Variants in GLIS3 observed in about 807,000 individuals in gnomAD.
GLIS3 encodes the protein zinc finger protein GLIS3.
In GLIS3, 53 loss-of-function variants were observed where a neutral mutation model predicts 78.6. The ratio of observed to expected loss-of-function variants is 0.67; its 90% confidence interval spans 0.54 to 0.85. GLIS3 has a LOEUF of 0.85. Among genes scored for constraint, GLIS3 ranks in the 40% least tolerant of loss-of-function variants. GLIS3 has a pLI of 0.00. For missense variants in GLIS3, 1,703 were observed against 1,231.1 expected (o/e 1.38, Z -5.74); for synonymous variants, 684 against 509.9 (o/e 1.34, Z -4.60).
chr9:4,433,613 C>T, the GLIS3 span, among the ~76,000 whole-genome samples: 2 of 152,150 alleles, frequency 1.3e-5, no homozygotes, highest in African/African-American at 2.4e-5. Flanking sequence ...TAAGGTGAAA[C>T]TATGAAGTCA....
intron 4 of GLIS3, among the ~76,000 whole-genome samples, chr9:4,004,399 C>A (rs767344899): frequency 2.1e-4 from 32 of 152,088 alleles, no homozygotes; most frequent in Non-Finnish European, 2.9e-5. Context: ...CTAAATCCCT[C>A]TACAAATACC....
chr9:4,012,371 T>C (rs747405060), intron 4 of GLIS3, among the ~76,000 whole-genome samples: 10 of 152,152 alleles, frequency 6.6e-5, no homozygotes, highest in South Asian at 2.1e-4. Context: ...ATATAGAACA[T>C]CTAGCAAACC....
At chr9:4,373,130 G>A in the GLIS3 span, among the ~76,000 whole-genome samples, 1 of 152,138 alleles carries the variant, frequency 6.6e-6, no homozygotes, top group Non-Finnish European at 1.5e-5. Flanking sequence ...GAAAAATACG[G>A]GCTTTTGTGA....
At chr9:4,156,614 C>G (rs1159430588) in intron 2 of GLIS3, among the ~76,000 whole-genome samples, 1 of 152,240 alleles carries the variant, frequency 6.6e-6, no homozygotes, top group Non-Finnish European at 1.5e-5. Flanking sequence ...CTTCAACCCA[C>G]TGGAAGATAA....
At chr9:3,850,104 G>T (rs1819331001) in intron 9 of GLIS3, among the ~76,000 whole-genome samples, 1 of 152,208 alleles carries the variant, frequency 6.6e-6, no homozygotes, top group South Asian at 2.1e-4. Context: ...AATTACAGCA[G>T]TAATAAAATA....
the GLIS3 span, among the ~76,000 whole-genome samples, chr9:4,422,421 G>A: frequency 6.6e-6 from 1 of 152,200 alleles, no homozygotes; most frequent in South Asian, 2.1e-4. Context: ...AAAAGTCCAT[G>A]TATGTGAGAT....
At chr9:4,075,679 T>C (rs1234095468) in intron 4 of GLIS3, among the ~76,000 whole-genome samples, 2 of 152,030 alleles carry the variant, frequency 1.3e-5, no homozygotes, top group Admixed American at 1.3e-4. Context: ...AAAGATTTAT[T>C]CAAAATAGCT....
At chr9:3,996,957 C>T (rs367705704) in intron 4 of GLIS3, among the ~76,000 whole-genome samples, 7 of 152,214 alleles carry the variant, frequency 4.6e-5, no homozygotes, top group African/African-American at 1.7e-4. Flanking sequence ...TACCATAGAA[C>T]GCTTAAGGAG....
At chr9:3,964,574 C>T (rs1817789092) in intron 4 of GLIS3, among the ~76,000 whole-genome samples, 2 of 152,260 alleles carry the variant, frequency 1.3e-5, no homozygotes, top group South Asian at 2.1e-4. Context: ...TATGATCAGA[C>T]ATATAACAAG....
intron 2 of GLIS3, among the ~76,000 whole-genome samples, chr9:4,278,212 CTAATA>C (rs1827203889): frequency 6.6e-6 from 1 of 152,188 alleles, no homozygotes; most frequent in Admixed American, 6.5e-5. Flanking sequence ...CTATCTTTCT[CTAATA>C]TATTTCCTAA....
chr9:4,364,746 T>C, the GLIS3 span, among the ~76,000 whole-genome samples: 1 of 139,908 alleles, frequency 7.1e-6, no homozygotes, highest in Middle Eastern at 3.7e-3. Context: ...CATGCTGTCA[T>C]CATGTATTGC....
At chr9:4,321,828 C>T (rs1008500134) in intron 2 of GLIS3, among the ~76,000 whole-genome samples, 3 of 152,010 alleles carry the variant, frequency 2.0e-5, no homozygotes, top group African/African-American at 4.8e-5. Flanking sequence ...CATGCCTCAC[C>T]CTCCCGAGTA....
chr9:3,981,845 T>C (rs1030427888), intron 4 of GLIS3, among the ~76,000 whole-genome samples: 1 of 152,134 alleles, frequency 6.6e-6, no homozygotes, highest in Non-Finnish European at 1.5e-5. Flanking sequence ...GCCTAGCCAC[T>C]TTTTGGCAAA....
chr9:4,195,569 C>A (rs1425130882), intron 2 of GLIS3, among the ~76,000 whole-genome samples: 2 of 152,240 alleles, frequency 1.3e-5, no homozygotes, highest in Non-Finnish European at 1.5e-5. Flanking sequence ...CCCGCCATGC[C>A]CGAGCTCCCC....
At chr9:4,487,734 C>CTGGA in the GLIS3 span, among the ~76,000 whole-genome samples, 2 of 151,644 alleles carry the variant, frequency 1.3e-5, no homozygotes, top group African/African-American at 4.9e-5. Flanking sequence ...GTCACCCAGG[C>CTGGA]TGGAGTACAG....
At chr9:4,269,637 T>C (rs142742523) in intron 2 of GLIS3, among the ~76,000 whole-genome samples, 1 of 152,250 alleles carries the variant, frequency 6.6e-6, no homozygotes, top group Non-Finnish European at 1.5e-5. Context: ...AGTATTTTCA[T>C]ATTTAAATGC....
At chr9:4,478,208 CAA>C in the GLIS3 span, among the ~76,000 whole-genome samples, 1 of 152,086 alleles carries the variant, frequency 6.6e-6, no homozygotes, top group Non-Finnish European at 1.5e-5. Flanking sequence ...TCCCATTGGC[CAA>C]AGATGGGATG....
intron 2 of GLIS3, among the ~76,000 whole-genome samples, chr9:4,152,604 A>C (rs1834764643): frequency 1.3e-5 from 2 of 152,180 alleles, no homozygotes; most frequent in Admixed American, 1.3e-4. Flanking sequence ...TTTCTGAGTA[A>C]ACGTGGTGTT....
Position 4,258,225 on chromosome 9 carries a change from G to C in GLIS3, c.388+27813C>G, listed in dbSNP as rs192099968. The stretch of plus-strand genomic sequence containing the variant: ...ATTATTTAAATAAAGAGGTACTAGA[G>C]ACAATATCAGAATTCAAAAAAGGAC... On this transcript the variant is annotated intron_variant, in intron 2 of 10. Coordinates refer to ENST00000381971, the MANE Select transcript of GLIS3 (RefSeq NM_001042413.2). Among the ~76,000 whole-genome samples, 9 of 152,074 alleles carry C rather than the reference G, an allele frequency of 5.9e-5. No homozygotes were observed. The East Asian group carries it at 1.7e-3, about 29-fold the overall frequency.
Sources: gnomAD v4.1 joint callset for allele counts (sites outside exome capture counted in the v4.1 genomes callset) on GRCh38, gnomAD v4.1.1 for gene constraint, MANE v1.5 for transcripts, NCBI Gene and HGNC (gene_info 2026-07-23, HGNC 2026-07-21) for gene names.